The following EPB41L4B variants were observed in gnomAD, a reference collection of about 807,000 sequenced individuals.
EPB41L4B encodes the protein erythrocyte membrane protein band 4.1 like 4B.
A neutral mutation model predicts 112.5 loss-of-function variants in EPB41L4B; 30 were observed. That is an observed-to-expected ratio of 0.27 (90% CI 0.20 to 0.36). EPB41L4B has a LOEUF of 0.36. Ranked by LOEUF, EPB41L4B falls within the 10% of genes least tolerant of loss-of-function variation. EPB41L4B has a pLI of 1.00. For synonymous variants in EPB41L4B, 408 were observed against 439.7 expected, an observed-to-expected ratio of 0.93 and a Z score of 0.90; for missense variants, 1,024 against 1,133.3, an observed-to-expected ratio of 0.90 and a Z score of 1.38.
chr9:109,309,133 G>A (rs1588236811), intron 1 of EPB41L4B, among the ~76,000 whole-genome samples: 1 of 152,284 alleles, frequency 6.6e-6, no homozygotes, highest in East Asian at 1.9e-4. Context: ...AAGGGCAGTA[G>A]GGAGGGGTAT....
chr9:109,184,768 T>C (rs1253997976), intron 23 of EPB41L4B, among the ~76,000 whole-genome samples: 1 of 152,222 alleles, frequency 6.6e-6, no homozygotes, highest in Admixed American at 6.5e-5. Flanking sequence ...ATAAAATTCC[T>C]GATGCAAAAA....
At chr9:109,309,541 A>C (rs1189807448) in intron 1 of EPB41L4B, among the ~76,000 whole-genome samples, 1 of 152,180 alleles carries the variant, frequency 6.6e-6, no homozygotes, top group East Asian at 1.9e-4. Flanking sequence ...ACCTAAAAAC[A>C]CATGTGAAAA....
intron 1 of EPB41L4B, chr9:109,307,280 A>G (rs1263937316): frequency 4.1e-6 from 2 of 483,260 alleles, no homozygotes; most frequent in Admixed American, 4.5e-5. Context: ...TCGCTTTTAG[A>G]ATAAAGCTAA....
intron 14 of EPB41L4B, among the ~76,000 whole-genome samples, chr9:109,244,232 C>T (rs1834458131): frequency 1.3e-5 from 2 of 151,652 alleles, no homozygotes; most frequent in Admixed American, 1.3e-4. Flanking sequence ...TTCTAAAATG[C>T]AATCCAAAAC....
At chr9:109,309,755 C>CAGAGAGAGAGAGAGAGAGAGAGAGAG (rs34950010) in intron 1 of EPB41L4B, among the ~76,000 whole-genome samples, 1 of 142,136 alleles carries the variant, frequency 7.0e-6, no homozygotes, top group African/African-American at 2.6e-5. Context: ...AATACACACA[C>CAGAGAGAGAGAGAGAGAGAGAGAGAG]AGAGAGAGAG....
chr9:109,203,775 C>T (rs927229714), intron 18 of EPB41L4B, 45 bp from the exon 19 acceptor site: 2 of 1,512,492 alleles, frequency 1.3e-6, no homozygotes, highest in African/African-American at 2.8e-5. Context: ...AATATGTTGG[C>T]ATGCAAAAAA....
chr9:109,245,706 C>T lies in EPB41L4B; in HGVS notation c.1345-2024G>A, dbSNP rs188086474. On this transcript the variant is annotated intron_variant, in intron 14 of 25. Transcript: ENST00000374566. ...AAGATAAATGCTGCAACACCATCCT[C>T]TCAAATACCCTTCACGGTATTCACA... is the stretch of plus-strand genomic sequence containing the variant. Among the ~76,000 whole-genome samples, 110 of 152,350 alleles carry T rather than the reference C, an allele frequency of 7.2e-4. 1 individual carries two copies. The highest frequency in any genetic ancestry group is 2.5e-3 in the African/African-American group (106 of 41,580).
intron 24 of EPB41L4B, among the ~76,000 whole-genome samples, chr9:109,178,028 T>C (rs1831908920): frequency 6.6e-6 from 1 of 151,918 alleles, no homozygotes; most frequent in South Asian, 2.1e-4. Context: ...CAGGTGATCC[T>C]TCTGCCTAAG....
rs1285499299 is a variant in EPB41L4B, at chr9:109,320,154, C to T, written c.293G>A (p.Ser98Asn). 1 of 1,473,356 alleles carries T rather than the reference C, an allele frequency of 6.8e-7. No homozygotes were observed. 91.3% of individuals were successfully genotyped at this position (1,473,356 alleles called of 1,614,324 possible). ...RVFLLDGTEVSVDLPKHAKGQ... is the reference protein window; with the variant it reads ...RVFLLDGTEVNVDLPKHAKGQ... Reference sequence around the variant, plus strand: ...CCCGTCACTCACCGGCAGGTCCACGCTCACTTCGGTCCCGTCGAGCAGGAA... The same window carrying T: ...CCCGTCACTCACCGGCAGGTCCACGTTCACTTCGGTCCCGTCGAGCAGGAA... The change falls in exon 1 of 26, where the codon AGC becomes AAC. Residue 98 changes from serine (S) to asparagine (N), a missense_variant. Physicochemically the swap from Ser to Asn is conservative, Grantham distance 46. Coordinates refer to ENST00000374566, the MANE Select transcript of EPB41L4B (RefSeq NM_019114.5).
chr9:109,273,195 G>C (rs778324950), intron 2 of EPB41L4B, among the ~76,000 whole-genome samples: 9 of 152,156 alleles, frequency 5.9e-5, no homozygotes, highest in Non-Finnish European at 1.3e-4. Context: ...GAAAACACTC[G>C]GCCTGCCTCC....
chr9:109,173,477 A>G lies in EPB41L4B; in HGVS notation c.*1077T>C, dbSNP rs1026440221. 1.3e-5 allele frequency: 2 copies of G among 152,612 alleles called. No homozygotes were observed. The highest frequency in any genetic ancestry group is 6.5e-5 in the Admixed American group (1 of 15,284). 9.5% of individuals were successfully genotyped at this position (152,612 alleles called of 1,614,324 possible). A position where few individuals can be genotyped will look rare whatever the true frequency, so the allele number is the denominator to read the frequency against. On this transcript the variant is annotated 3_prime_UTR_variant, in exon 26 of 26. Transcript: ENST00000374566. ...AGAGTGAAAAATTAGATATAACTCA[A>G]ATATCTAATAATGGGGTGAAGTGAG... is the stretch of plus-strand genomic sequence containing the variant.
At chr9:109,198,675 G>A (rs2118729707) in intron 20 of EPB41L4B, among the ~76,000 whole-genome samples, 1 of 152,166 alleles carries the variant, frequency 6.6e-6, no homozygotes, top group East Asian at 1.9e-4. Context: ...GGGAGGCCAA[G>A]GTGGGGTGGA....
At chr9:109,269,009 C>T (rs113780236) in intron 2 of EPB41L4B, among the ~76,000 whole-genome samples, 50 of 151,966 alleles carry the variant, frequency 3.3e-4, no homozygotes, top group Middle Eastern at 3.4e-3. Context: ...GAACATAAAA[C>T]CCCTTAACCA....
chr9:109,187,662 C>T (rs1272674186), intron 22 of EPB41L4B, among the ~76,000 whole-genome samples: 1 of 152,176 alleles, frequency 6.6e-6, no homozygotes, highest in Non-Finnish European at 1.5e-5. Flanking sequence ...ACCCAGGCCA[C>T]TGGGTCTTTT....
At chr9:109,284,154 C>T (rs1055239023) in intron 1 of EPB41L4B, among the ~76,000 whole-genome samples, 62 of 152,110 alleles carry the variant, frequency 4.1e-4, no homozygotes, top group Admixed American at 3.7e-3. Context: ...CCTAGCCTAC[C>T]TTAAACGTGC....
rs1437443334 is a variant in EPB41L4B at position 109,200,273 on chromosome 9, G to C, written c.2008C>G (p.Pro670Ala). 1.2e-6 allele frequency: 2 copies of C among 1,614,074 alleles called. No homozygotes were observed. Among genetic ancestry groups the C allele is most frequent in the Non-Finnish European group, 1.7e-6 (2 of 1,180,002 alleles). ...CTTGTTAACTTCCTCACTCGGGGAGGCTTGATTTCCGGCTTTTCCACAGCT... is the reference window on the plus strand; with the variant it reads ...CTTGTTAACTTCCTCACTCGGGGAGCCTTGATTTCCGGCTTTTCCACAGCT... ...QPAVEKPEIK[P>A]PRVRKLTRQY... Residue 670 changes from proline (P) to alanine (A), a missense_variant, in exon 20 of 26, where the codon CCT becomes GCT. Pro to Ala is a conservative substitution (Grantham distance 27, BLOSUM62 -1). Coordinates refer to ENST00000374566, the MANE Select transcript of EPB41L4B (RefSeq NM_019114.5).
At chr9:109,276,413 C>G (rs1835830374) in intron 2 of EPB41L4B, among the ~76,000 whole-genome samples, 1 of 152,052 alleles carries the variant, frequency 6.6e-6, no homozygotes, top group Admixed American at 6.6e-5. Context: ...GAGATAAGTG[C>G]AGGCATCATA....
At chr9:109,279,981 A>T in intron 1 of EPB41L4B, 60 bp from the exon 2 acceptor site, 1 of 1,351,504 alleles carries the variant, frequency 7.4e-7, no homozygotes, top group Non-Finnish European at 1.0e-6. Flanking sequence ...AAGAAAAAAA[A>T]GGTTAAAAAA....
intron 1 of EPB41L4B, among the ~76,000 whole-genome samples, chr9:109,310,506 C>T (rs986352275): frequency 6.6e-6 from 1 of 152,120 alleles, no homozygotes; most frequent in African/African-American, 2.4e-5. Context: ...ATTTATATTT[C>T]ATCATTTAAA....
Sources: allele counts gnomAD v4.1 joint callset (sites outside exome capture counted in the v4.1 genomes callset), GRCh38; gene constraint gnomAD v4.1.1; transcripts MANE v1.5; gene names NCBI Gene and HGNC (gene_info 2026-07-23, HGNC 2026-07-21).